Variants in ENOX2 observed in about 807,000 individuals in gnomAD.
ENOX2 encodes ecto-NOX disulfide-thiol exchanger 2.
ENOX2 carries 36 observed loss-of-function variants against 45.0 expected under a neutral mutation model. The observed-to-expected ratio is 0.80, with a 90% CI of 0.61 to 1.06. The LOEUF (loss-of-function observed/expected upper bound fraction) is 1.06. Among genes scored for constraint, ENOX2 ranks in the 50% least tolerant of loss-of-function variants. The probability of loss-of-function intolerance (pLI) is 0.00; values close to 1 mark genes in which losing one functional copy is unlikely to be tolerated. For missense variants in ENOX2, 423 were observed against 462.5 expected (o/e 0.91, Z 0.78); for synonymous variants, 174 against 152.3 (o/e 1.14, Z -1.05).
At chrX:130,892,238 T>G (rs184605076) in intron 2 of ENOX2, among the ~76,000 whole-genome samples, 1 of 112,406 alleles carries the variant, frequency 8.9e-6, no homozygotes, top group Non-Finnish European at 1.9e-5. Context: ...AGGTTTTCAG[T>G]GGTCTCCGTA....
intron 7 of ENOX2, among the ~76,000 whole-genome samples, chrX:130,669,285 G>A (rs951984367): frequency 8.9e-6 from 1 of 112,267 alleles, no homozygotes; most frequent in Non-Finnish European, 1.9e-5. Context: ...ACCAGGCAGA[G>A]CAATTAATGT....
intron 10 of ENOX2, among the ~76,000 whole-genome samples, chrX:130,655,539 CA>C (rs1406302891): frequency 1.8e-5 from 2 of 112,039 alleles, no homozygotes; most frequent in African/African-American, 3.2e-5. Flanking sequence ...GAACAGTATA[CA>C]ACTATATCTC....
At chrX:130,646,805 TTTG>T (rs2036249650) in intron 10 of ENOX2, among the ~76,000 whole-genome samples, 3 of 112,369 alleles carry the variant, frequency 2.7e-5, no homozygotes, top group Admixed American at 1.9e-4. Flanking sequence ...GGAAATTATT[TTTG>T]TTGTTGTTCT....
At chrX:130,744,761 C>T (rs768185963) in intron 3 of ENOX2, among the ~76,000 whole-genome samples, 6 of 111,509 alleles carry the variant, frequency 5.4e-5, no homozygotes, top group Admixed American at 3.8e-4. Context: ...CATCACTGTG[C>T]TAGAATAGGG....
chrX:130,858,586 A>C (rs1195670189), intron 2 of ENOX2, among the ~76,000 whole-genome samples: 1 of 111,799 alleles, frequency 8.9e-6, no homozygotes. Context: ...GAGTCTTCCC[A>C]TAAGAACTTA....
intron 2 of ENOX2, among the ~76,000 whole-genome samples, chrX:130,802,350 G>C (rs777245417): frequency 8.9e-6 from 1 of 112,539 alleles, no homozygotes; most frequent in East Asian, 2.8e-4. Flanking sequence ...TTGATACAGT[G>C]AGAAGCTGGG....
In ENOX2 at chrX:130,767,433, C is replaced by T. The variant is rs190316919; in HGVS notation, c.-39+16114G>A. On this transcript the variant is annotated intron_variant, in intron 3 of 14. Transcript: ENST00000394363. ...TGTCACTGGAATATGGACAATCTCACGGAAAATATTTTGAGTTCAAAAAAA... is the reference window on the plus strand; with the variant it reads ...TGTCACTGGAATATGGACAATCTCATGGAAAATATTTTGAGTTCAAAAAAA... Among the ~76,000 whole-genome samples, 713 of 111,054 alleles carry T rather than the reference C, an allele frequency of 6.4e-3. 6 individuals carry two copies. The highest frequency in any genetic ancestry group is 0.023 in the African/African-American group (697 of 30,592).
At chrX:130,692,570 A>ATC (rs992614697) in intron 4 of ENOX2, among the ~76,000 whole-genome samples, 1 of 104,027 alleles carries the variant, frequency 9.6e-6, no homozygotes, top group African/African-American at 3.5e-5. Context: ...GATTTGTATT[A>ATC]TCTCTCTCTG....
chrX:130,851,945 A>G (rs1244226666), intron 2 of ENOX2, among the ~76,000 whole-genome samples: 1 of 112,168 alleles, frequency 8.9e-6, no homozygotes, highest in African/African-American at 3.2e-5. Flanking sequence ...ATTTGCTTCT[A>G]TCATCTAAGC....
At chrX:130,716,938 T>C (rs1252069574) in intron 3 of ENOX2, among the ~76,000 whole-genome samples, 1 of 111,557 alleles carries the variant, frequency 9.0e-6, no homozygotes, top group African/African-American at 3.3e-5. Flanking sequence ...ATTTGTGTGG[T>C]GTGTGTGTGT....
chrX:130,765,047 A>T (rs1460792621), intron 3 of ENOX2, among the ~76,000 whole-genome samples: 2 of 111,433 alleles, frequency 1.8e-5, no homozygotes, highest in Non-Finnish European at 3.8e-5. Flanking sequence ...GCTAGCAATG[A>T]CAACTGTCAT....
intron 2 of ENOX2, among the ~76,000 whole-genome samples, chrX:130,798,398 T>G (rs768671804): frequency 8.9e-6 from 1 of 112,928 alleles, no homozygotes; most frequent in South Asian, 3.7e-4. Context: ...TATTTTTATT[T>G]TTTAAAGTTC....
intron 3 of ENOX2, among the ~76,000 whole-genome samples, chrX:130,704,998 A>C (rs186876452): frequency 4.4e-4 from 49 of 112,625 alleles, no homozygotes; most frequent in Admixed American, 1.3e-3. Context: ...GGGATGCTGA[A>C]TATCCTTTGG....
intron 2 of ENOX2, among the ~76,000 whole-genome samples, chrX:130,857,055 C>T (rs2078320363): frequency 9.0e-6 from 1 of 111,614 alleles, no homozygotes. Context: ...GGAAAAAGCA[C>T]AAATGTGTAT....
chrX:130,880,675 A>C (rs1159607676), intron 2 of ENOX2, among the ~76,000 whole-genome samples: 1 of 112,075 alleles, frequency 8.9e-6, no homozygotes, highest in Non-Finnish European at 1.9e-5. Context: ...TATGAGAGCT[A>C]AAATGTATAA....
At chrX:130,692,241 C>T (rs2037619907) in intron 4 of ENOX2, among the ~76,000 whole-genome samples, 1 of 113,306 alleles carries the variant, frequency 8.8e-6, no homozygotes, top group South Asian at 3.6e-4. Flanking sequence ...ATTGCAGAAC[C>T]TGAAAAATCA....
chrX:130,784,210 C>A (rs2076933783), intron 2 of ENOX2, among the ~76,000 whole-genome samples: 1 of 111,690 alleles, frequency 9.0e-6, no homozygotes, highest in Non-Finnish European at 1.9e-5. Context: ...ATAGAAATTG[C>A]AAGGGGGTTA....
At chrX:130,715,194 G>A (rs1034230874) in intron 3 of ENOX2, among the ~76,000 whole-genome samples, 14 of 111,611 alleles carry the variant, frequency 1.3e-4, no homozygotes, top group Admixed American at 1.0e-3. Context: ...TGCTGTGTAA[G>A]TCATTAACTA....
chrX:130,837,955 A>G (rs1227717484), intron 2 of ENOX2, among the ~76,000 whole-genome samples: 2 of 112,007 alleles, frequency 1.8e-5, no homozygotes, highest in Non-Finnish European at 3.8e-5. Context: ...CCTCTTGTTC[A>G]TATCAGCTCT....
Sources: gnomAD v4.1 joint callset for allele counts (sites outside exome capture counted in the v4.1 genomes callset) on GRCh38, gnomAD v4.1.1 for gene constraint, MANE v1.5 for transcripts, NCBI Gene and HGNC (gene_info 2026-07-23, HGNC 2026-07-21) for gene names.